Variants in CHD9 observed in about 807,000 individuals in gnomAD.
The protein encoded by CHD9 is ATP-dependent chromatin remodeler CHD9.
CHD9 carries 77 observed loss-of-function variants against 316.1 expected under a neutral mutation model. The observed-to-expected ratio is 0.24, with a 90% CI of 0.20 to 0.29. CHD9 has a LOEUF of 0.29. Ranked by LOEUF, CHD9 falls within the 10% of genes least tolerant of loss-of-function variation. The pLI is 1.00. For synonymous variants in CHD9, 1,129 were observed against 1,158.3 expected (o/e 0.97, Z 0.51); for missense variants, 2,763 against 3,438.1 (o/e 0.80, Z 4.91).
chr16:53,280,190 G>C (rs1016253818), intron 24 of CHD9, among the ~76,000 whole-genome samples: 1 of 152,034 alleles, frequency 6.6e-6, no homozygotes, highest in Non-Finnish European at 1.5e-5. Context: ...CAGAGGAAAA[G>C]AAGTCATTAT....
chr16:53,244,354 G>A (rs922704160), intron 13 of CHD9, among the ~76,000 whole-genome samples: 1 of 151,682 alleles, frequency 6.6e-6, no homozygotes, highest in African/African-American at 2.4e-5. Context: ...CACCACGCCC[G>A]GCTAATTTTT....
At chr16:53,269,257 T>C (rs2051991565) in intron 22 of CHD9, among the ~76,000 whole-genome samples, 1 of 152,074 alleles carries the variant, frequency 6.6e-6, no homozygotes, top group Non-Finnish European at 1.5e-5. Flanking sequence ...CATAAAATAA[T>C]TGAATTTCCA....
At chr16:53,225,834 A>C (rs2047607451) in intron 4 of CHD9, among the ~76,000 whole-genome samples, 2 of 152,104 alleles carry the variant, frequency 1.3e-5, no homozygotes, top group Admixed American at 1.3e-4. Context: ...TATTTAATTT[A>C]TTCTTCTAGA....
intron 1 of CHD9, among the ~76,000 whole-genome samples, chr16:53,120,212 AC>A (rs1358074717): frequency 6.6e-6 from 1 of 152,212 alleles, no homozygotes; most frequent in African/African-American, 2.4e-5. Context: ...AACCTGGGCA[AC>A]AGAGCAAGAC....
chr16:53,116,117 T>C (rs2038280438), intron 1 of CHD9, among the ~76,000 whole-genome samples: 1 of 152,198 alleles, frequency 6.6e-6, no homozygotes, highest in South Asian at 2.1e-4. Flanking sequence ...TGGAGTGCAG[T>C]GGTGCGATCT....
chr16:53,122,449 C>T (rs1174788375), intron 1 of CHD9, among the ~76,000 whole-genome samples: 1 of 151,612 alleles, frequency 6.6e-6, no homozygotes, highest in Non-Finnish European at 1.5e-5. Context: ...AAAATATTAT[C>T]TTTTTGTCTC....
chr16:53,262,889 T>C (rs2051286651), intron 19 of CHD9, 98 bp from the exon 20 acceptor site: 3 of 950,558 alleles, frequency 3.2e-6, no homozygotes, highest in South Asian at 1.4e-5. Flanking sequence ...TGTATGAGTA[T>C]GCAGAATTCA....
chr16:53,164,933 G>A (rs2152764679), intron 2 of CHD9, among the ~76,000 whole-genome samples: 1 of 152,134 alleles, frequency 6.6e-6, no homozygotes, highest in South Asian at 2.1e-4. Context: ...GGGATTATAG[G>A]CATGAGCCAC....
chr16:53,210,394 A>T (rs2046236221), intron 3 of CHD9, among the ~76,000 whole-genome samples: 1 of 151,994 alleles, frequency 6.6e-6, no homozygotes, highest in Non-Finnish European at 1.5e-5. Context: ...CGTAATAAAG[A>T]GGCCAGGTGA....
chr16:53,121,314 GGA>G (rs2038724566), intron 1 of CHD9: 1 of 455,400 alleles, frequency 2.2e-6, no homozygotes, highest in Non-Finnish European at 4.4e-6. Flanking sequence ...AACTTCTCCA[GGA>G]GTGCTTATGT....
At chr16:53,055,455 G>A (rs1413064047) in intron 1 of CHD9, among the ~76,000 whole-genome samples, 1 of 151,534 alleles carries the variant, frequency 6.6e-6, no homozygotes, top group Non-Finnish European at 1.5e-5. Context: ...CGTTGCTTGG[G>A]AAGCATTAAA....
In CHD9 at chr16:53,238,502, T is replaced by C. The variant is rs746297849; in HGVS notation, c.2793T>C (p.Thr931=). Reference sequence around the variant, plus strand: ...GGGAGAGAGAATTTCGTACGTGGACTGATATTAACGTTGTGGTTTATCATG... The same window carrying C: ...GGGAGAGAGAATTTCGTACGTGGACCGATATTAACGTTGTGGTTTATCATG... ...ANWEREFRTW[T]DINVVVYHGS... The change falls in exon 12 of 39, where the codon ACT becomes ACC. Residue 931 remains threonine (T), a synonymous_variant. Coordinates refer to ENST00000447540, the MANE Select transcript of CHD9 (RefSeq NM_001308319.2). 2 of 1,613,330 alleles carry C rather than the reference T, an allele frequency of 1.2e-6. No homozygotes were observed. Among genetic ancestry groups the C allele is most frequent in the Non-Finnish European group, 1.7e-6 (2 of 1,179,426 alleles).
At chr16:53,300,515 T>TA (rs1405194678) in intron 30 of CHD9, among the ~76,000 whole-genome samples, 2 of 152,200 alleles carry the variant, frequency 1.3e-5, no homozygotes, top group Non-Finnish European at 2.9e-5. Context: ...ATCATAGCAT[T>TA]AAAAAATGAA....
At chr16:53,285,475 A>AAT in intron 24 of CHD9, 121 bp from the exon 25 acceptor site, 1 of 319,536 alleles carries the variant, frequency 3.1e-6, no homozygotes, top group Non-Finnish European at 5.0e-6. Context: ...AAGGATTAAA[A>AAT]AATAATGAAA....
chr16:53,322,651 A>G (rs1247390503), intron 38 of CHD9, among the ~76,000 whole-genome samples: 1 of 152,074 alleles, frequency 6.6e-6, no homozygotes, highest in East Asian at 1.9e-4. Flanking sequence ...TTCACAGTAT[A>G]TTAAAATCAG....
At chr16:53,254,784 G>GTAGCTC in intron 18 of CHD9, 179 bp downstream of exon 18, 1 of 428,932 alleles carries the variant, frequency 2.3e-6, no homozygotes. Context: ...TTTTCTTTCT[G>GTAGCTC]TGTAGCTCCA....
intron 3 of CHD9, among the ~76,000 whole-genome samples, chr16:53,219,787 G>A (rs2047082858): frequency 6.6e-6 from 1 of 152,126 alleles, no homozygotes; most frequent in Admixed American, 6.6e-5. Context: ...ACTTCTCTAG[G>A]CCTCAATTTC....
chr16:53,181,934 G>T (rs1597325163), intron 2 of CHD9, among the ~76,000 whole-genome samples: 1 of 152,204 alleles, frequency 6.6e-6, no homozygotes, highest in South Asian at 2.1e-4. Flanking sequence ...ACAAAACTTA[G>T]CCAGGCATGG....
At chr16:53,249,790 A>G (rs1011716155) in intron 16 of CHD9, 81 bp from the exon 17 acceptor site, 1 of 1,128,486 alleles carries the variant, frequency 8.9e-7, no homozygotes, top group Middle Eastern at 2.5e-4. Flanking sequence ...TGCTGCAGGA[A>G]AACTGACTTT....
Sources: gnomAD v4.1 joint callset for allele counts (sites outside exome capture counted in the v4.1 genomes callset) on GRCh38, gnomAD v4.1.1 for gene constraint, MANE v1.5 for transcripts, NCBI Gene and HGNC (gene_info 2026-07-23, HGNC 2026-07-21) for gene names.